The following DPP6 variants were observed in gnomAD, a reference collection of about 807,000 sequenced individuals.
The protein encoded by DPP6 is dipeptidyl peptidase like 6.
DPP6 carries 69 observed loss-of-function variants against 122.6 expected under a neutral mutation model. The ratio of observed to expected loss-of-function variants is 0.56; its 90% CI spans 0.46 to 0.69. The LOEUF is 0.69. Among genes scored for constraint, DPP6 ranks in the 30% least tolerant of loss-of-function variants. The probability of loss-of-function intolerance (pLI) is 0.00; values close to 1 mark genes in which losing one functional copy is unlikely to be tolerated. For missense variants in DPP6, 928 were observed against 1,116.9 expected (o/e 0.83, Z 2.41); for synonymous variants, 418 against 433.1 (o/e 0.97, Z 0.43).
intron 1 of DPP6, among the ~76,000 whole-genome samples, chr7:154,152,828 G>A (rs1198413942): frequency 7.2e-5 from 11 of 152,196 alleles, no homozygotes; most frequent in Admixed American, 3.9e-4. Context: ...TGGCTGAGTC[G>A]GCTTTCCAAT....
At position 154,054,967 on chromosome 7, in the gene DPP6, T is replaced by G. The variant is rs201616351; in HGVS notation, c.243+1904T>G. ...ACATGTCCTTCTTTTTATTGTGACA[T>G]GTGTCTAGAAATGATTCTCAGATAA... is the stretch of plus-strand genomic sequence containing the variant. On this transcript the variant is annotated intron_variant, in intron 1 of 25. Transcript: ENST00000377770. 2.0e-5 allele frequency among the ~76,000 whole-genome samples: 3 copies of G among 152,224 alleles called. No individual in the cohort carries two copies. The East Asian group carries it at 5.8e-4, about 29-fold the overall frequency.
chr7:154,387,340 G>C (rs1408871030), intron 1 of DPP6, among the ~76,000 whole-genome samples: 1 of 152,188 alleles, frequency 6.6e-6, no homozygotes, highest in African/African-American at 2.4e-5. Flanking sequence ...AGGGGAGGGA[G>C]TCATGTCCAT....
intron 1 of DPP6, among the ~76,000 whole-genome samples, chr7:154,254,843 A>G (rs925397926): frequency 2.0e-5 from 3 of 152,196 alleles, no homozygotes; most frequent in East Asian, 1.9e-4. Context: ...GTAAGGTTCA[A>G]TTGCAAGATT....
At chr7:154,628,905 G>A (rs181872103) in intron 5 of DPP6, among the ~76,000 whole-genome samples, 12 of 152,296 alleles carry the variant, frequency 7.9e-5, no homozygotes, top group South Asian at 4.2e-4. Context: ...GAAAAATGAG[G>A]CATCTGTTTC....
chr7:154,115,192 C>A (rs1806892627), intron 1 of DPP6, among the ~76,000 whole-genome samples: 1 of 152,110 alleles, frequency 6.6e-6, no homozygotes, highest in Non-Finnish European at 1.5e-5. Flanking sequence ...TGCCTTTGTG[C>A]CCTCAAAGGC....
At chr7:154,665,839 CT>C (rs1162008047) in intron 6 of DPP6, among the ~76,000 whole-genome samples, 1 of 151,994 alleles carries the variant, frequency 6.6e-6, no homozygotes, top group African/African-American at 2.4e-5. Context: ...TAGTGTTCCC[CT>C]TTTCCTTATA....
the DPP6 span, among the ~76,000 whole-genome samples, chr7:153,838,150 C>G: frequency 6.6e-5 from 10 of 152,242 alleles, no homozygotes; most frequent in Non-Finnish European, 1.5e-4. Context: ...CGTTAAACCA[C>G]AAACTTCATA....
rs537252901 is a variant in DPP6, at chr7:154,783,358, G to A, written c.1136+10416G>A. 7.9e-5 allele frequency among the ~76,000 whole-genome samples: 12 copies of A among 152,278 alleles called. No individual in the cohort carries two copies. The East Asian group carries it at 2.3e-3, about 29-fold the overall frequency. ...CGTCTCTGCCCGTGCTTCCTTCTAG[G>A]CAGCAGTGCCTTCTGAGTACAGTCA... On this transcript the variant is annotated intron_variant, in intron 10 of 25. Coordinates refer to ENST00000377770, the MANE Select transcript of DPP6 (RefSeq NM_130797.4).
intron 1 of DPP6, among the ~76,000 whole-genome samples, chr7:154,040,192 G>T (rs564172864): frequency 7.1e-6 from 1 of 141,156 alleles, no homozygotes; most frequent in South Asian, 2.2e-4. Flanking sequence ...TCTACCAGTT[G>T]TTTTGCAAAG....
At chr7:154,439,510 T>C (rs1231649895) in intron 1 of DPP6, among the ~76,000 whole-genome samples, 1 of 152,200 alleles carries the variant, frequency 6.6e-6, no homozygotes, top group African/African-American at 2.4e-5. Context: ...CAAAGTAGAC[T>C]GAGCCCAGAA....
In DPP6 at chr7:154,063,053, CACGAGAGTGGGGACTGAGA is replaced by C; in HGVS notation, c.243+9991_243+10009del. ...CATCACAGGAGGGGGAGGCACCCCCCACGAGAGTGGGGACTGAGAGCTATCCCCTCTTCCGCCCCTGGCT... is the reference window on the plus strand; with the variant it reads ...CATCACAGGAGGGGGAGGCACCCCCCGCTATCCCCTCTTCCGCCCCTGGCT... On this transcript the variant is annotated intron_variant, in intron 1 of 25. Transcript: ENST00000377770. 1.6e-5 allele frequency among the ~76,000 whole-genome samples: 2 copies of C among 121,926 alleles called. 1 individual carries two copies. Among genetic ancestry groups the C allele is most frequent in the Non-Finnish European group, 3.5e-5 (2 of 57,506 alleles). The allele number at this position is 121,926 out of a possible 152,430, so 80.0% of individuals were successfully genotyped here.
the DPP6 span, among the ~76,000 whole-genome samples, chr7:153,853,871 T>G: frequency 6.6e-6 from 1 of 151,572 alleles, no homozygotes; most frequent in Admixed American, 6.6e-5. Context: ...TTGTCAATTT[T>G]GGCTTTTGTT....
intron 6 of DPP6, among the ~76,000 whole-genome samples, chr7:154,641,790 T>C (rs1280999855): frequency 1.3e-5 from 2 of 152,214 alleles, no homozygotes; most frequent in African/African-American, 4.8e-5. Context: ...CACTTTATTA[T>C]GTAATGTTGG....
At chr7:154,747,146 A>G (rs1843074283) in intron 8 of DPP6, among the ~76,000 whole-genome samples, 1 of 152,214 alleles carries the variant, frequency 6.6e-6, no homozygotes, top group Non-Finnish European at 1.5e-5. Context: ...GCATCTCCCT[A>G]TCCAGTCTGC....
chr7:154,318,441 A>G (rs904132185), intron 1 of DPP6, among the ~76,000 whole-genome samples: 63 of 152,254 alleles, frequency 4.1e-4, no homozygotes, highest in African/African-American at 1.5e-3. Context: ...CCTATCAACC[A>G]CACCCTCACT....
rs34931013 is a variant in DPP6, at chr7:154,624,326, TA to T, written c.628-13479del. 9.3e-5 allele frequency among the ~76,000 whole-genome samples: 13 copies of T among 139,930 alleles called. No homozygotes were observed. Among genetic ancestry groups the T allele is most frequent in the African/African-American group, 1.1e-4 (4 of 37,556 alleles). 91.8% of individuals were successfully genotyped at this position (139,930 alleles called of 152,430 possible). A position where few individuals can be genotyped will look rare whatever the true frequency, so the allele number is the denominator to read the frequency against. Reference sequence around the variant, plus strand: ...AGGGCGACAGAGTGAGACTCCATCTTAAAAAAAAAAAAAAAATCAGCTTGGT... The same window carrying T: ...AGGGCGACAGAGTGAGACTCCATCTTAAAAAAAAAAAAAAATCAGCTTGGT... On this transcript the variant is annotated intron_variant, in intron 5 of 25. Coordinates refer to ENST00000377770, the MANE Select transcript of DPP6 (RefSeq NM_130797.4). The surrounding 1 kb of genome is among the most constrained non-coding windows in gnomAD (Gnocchi z 4.7).
At chr7:154,251,096 G>C (rs966578023) in intron 1 of DPP6, among the ~76,000 whole-genome samples, 4 of 152,230 alleles carry the variant, frequency 2.6e-5, no homozygotes, top group African/African-American at 9.6e-5. Flanking sequence ...GTTTATAAGA[G>C]TCTGGCTGAC....
intron 2 of DPP6, among the ~76,000 whole-genome samples, chr7:154,472,137 T>G (rs1306087204): frequency 1.3e-5 from 2 of 152,208 alleles, no homozygotes; most frequent in African/African-American, 4.8e-5. Context: ...AGATAATTAC[T>G]GGTAGTATTC....
chr7:154,275,139 C>G (rs537071146), intron 1 of DPP6, among the ~76,000 whole-genome samples: 8 of 152,382 alleles, frequency 5.2e-5, no homozygotes, highest in African/African-American at 1.7e-4. Flanking sequence ...CTGGAAATGC[C>G]TGGGGATTTT....
Sources: allele counts gnomAD v4.1 joint callset (sites outside exome capture counted in the v4.1 genomes callset), GRCh38; gene constraint gnomAD v4.1.1; non-coding constraint Gnocchi (gnomAD v3.1); transcripts MANE v1.5; gene names NCBI Gene and HGNC (gene_info 2026-07-23, HGNC 2026-07-21).